Variants in DLGAP1 observed in about 807,000 individuals in gnomAD.
DLGAP1 encodes the protein disks large-associated protein 1.
A neutral mutation model predicts 90.8 loss-of-function variants in DLGAP1; 11 were observed. The ratio of observed to expected loss-of-function variants is 0.12; its 90% CI spans 0.08 to 0.20. DLGAP1 has a LOEUF of 0.20. DLGAP1 is among the 10% of genes least tolerant of loss of function. DLGAP1 has a pLI of 1.00. For synonymous variants in DLGAP1, 558 were observed against 540.7 expected, an observed-to-expected ratio of 1.03 and a Z score of -0.44; for missense variants, 1,050 against 1,333.8, an observed-to-expected ratio of 0.79 and a Z score of 3.31.
chr18:3,670,096 C>CAACAA (rs963457540), intron 7 of DLGAP1, among the ~76,000 whole-genome samples: 30 of 152,072 alleles, frequency 2.0e-4, no homozygotes, highest in Admixed American at 6.6e-4. Context: ...TATTGTTTTA[C>CAACAA]AACAAAACAA....
At chr18:3,647,529 G>C (rs184357725) in intron 7 of DLGAP1, among the ~76,000 whole-genome samples, 9 of 150,176 alleles carry the variant, frequency 6.0e-5, no homozygotes, top group African/African-American at 2.2e-4. Flanking sequence ...GTAATGGCAC[G>C]ATCTTGGCTC....
At chr18:3,934,912 T>A (rs778707416) in intron 3 of DLGAP1, among the ~76,000 whole-genome samples, 2 of 152,254 alleles carry the variant, frequency 1.3e-5, no homozygotes, top group Non-Finnish European at 2.9e-5. Flanking sequence ...GCACAGGTTT[T>A]AGGACAAAGC....
intron 4 of DLGAP1, chr18:3,845,084 T>C (rs1291979333): frequency 5.9e-6 from 6 of 1,011,032 alleles, no homozygotes; most frequent in Non-Finnish European, 7.1e-6. Context: ...CTACTCTTTA[T>C]AAAATTGTTC....
At chr18:3,916,798 A>G (rs1394022302) in intron 3 of DLGAP1, among the ~76,000 whole-genome samples, 2 of 152,140 alleles carry the variant, frequency 1.3e-5, no homozygotes, top group Non-Finnish European at 2.9e-5. Context: ...TCGTTGTAGC[A>G]GGGATGTGCA....
At chr18:4,318,674 T>G (rs1481145315) in intron 1 of DLGAP1, among the ~76,000 whole-genome samples, 1 of 152,226 alleles carries the variant, frequency 6.6e-6, no homozygotes, top group Non-Finnish European at 1.5e-5. Context: ...TCATTTTCTA[T>G]TTGCAACTTC....
chr18:4,054,110 C>T (rs138021526), intron 2 of DLGAP1, among the ~76,000 whole-genome samples: 49 of 152,282 alleles, frequency 3.2e-4, no homozygotes, highest in East Asian at 9.7e-4. Context: ...GACTTTGTCA[C>T]TAGTTTTGTA....
chr18:4,370,606 C>T (rs1000773064), intron 1 of DLGAP1, among the ~76,000 whole-genome samples: 3 of 152,106 alleles, frequency 2.0e-5, no homozygotes, highest in Non-Finnish European at 4.4e-5. Flanking sequence ...AATGAGTGAA[C>T]TTGGATCTTC....
intron 7 of DLGAP1, chr18:3,722,340 T>A (rs1294890996): frequency 6.6e-6 from 1 of 152,232 alleles, no homozygotes; most frequent in African/African-American, 2.4e-5. Flanking sequence ...GACTTTTGCA[T>A]TTTTATGACT....
Position 3,581,957 on chromosome 18 carries a change from G to T in DLGAP1, c.1883C>A (p.Thr628Lys). Residue 628 changes from threonine (T) to lysine (K), a missense_variant, in exon 8 of 13, where the codon ACG becomes AAG. Coordinates refer to ENST00000315677, the MANE Select transcript of DLGAP1 (RefSeq NM_004746.4). ...MGNNTATVTTTTTIATVTTED... is the reference protein window; with the variant it reads ...MGNNTATVTTKTTIATVTTED... The stretch of plus-strand genomic sequence containing the variant: ...CGTGGTGACGGTGGCTATGGTAGTC[G>T]TGGTGGTGACGGTGGCAGTGTTATT... 3 of 1,614,056 alleles carry T rather than the reference G, an allele frequency of 1.9e-6. No homozygotes were observed. The highest frequency in any genetic ancestry group is 2.5e-6 in the Non-Finnish European group (3 of 1,179,996).
chr18:3,754,997 C>G (rs2063660218), intron 5 of DLGAP1, among the ~76,000 whole-genome samples: 1 of 151,900 alleles, frequency 6.6e-6, no homozygotes. Context: ...GAAATGTAGG[C>G]AAATGTAAAG....
intron 7 of DLGAP1, among the ~76,000 whole-genome samples, chr18:3,712,286 G>A (rs1365631807): frequency 2.0e-5 from 3 of 152,174 alleles, no homozygotes; most frequent in Non-Finnish European, 4.4e-5. Context: ...AGTGAGCAGG[G>A]GTGGACTTCG....
chr18:3,886,574 C>T (rs551115176), intron 3 of DLGAP1, among the ~76,000 whole-genome samples: 2 of 152,140 alleles, frequency 1.3e-5, no homozygotes, highest in African/African-American at 4.8e-5. Flanking sequence ...CACTCTCCCA[C>T]CTTAGCAACA....
At chr18:4,365,021 T>C (rs945908349) in intron 1 of DLGAP1, among the ~76,000 whole-genome samples, 2 of 152,182 alleles carry the variant, frequency 1.3e-5, no homozygotes, top group Non-Finnish European at 2.9e-5. Flanking sequence ...GTTCAAGAGA[T>C]TGATTGTTAT....
chr18:4,226,648 T>A (rs1327072989), intron 1 of DLGAP1, among the ~76,000 whole-genome samples: 2 of 146,820 alleles, frequency 1.4e-5, no homozygotes, highest in Non-Finnish European at 3.0e-5. Context: ...AACTAGTGTA[T>A]TATAAGATAT....
At chr18:3,811,238 T>G (rs2066824528) in intron 5 of DLGAP1, among the ~76,000 whole-genome samples, 1 of 152,220 alleles carries the variant, frequency 6.6e-6, no homozygotes. Flanking sequence ...AGTGGAACTA[T>G]GAGAAATGAT....
At chr18:3,615,004 C>T (rs1351171978) in intron 7 of DLGAP1, among the ~76,000 whole-genome samples, 1 of 24 alleles carries the variant, frequency 0.042, no homozygotes, top group Non-Finnish European at 0.083. Flanking sequence ...TCACCGCAAC[C>T]TCCGCCTCCA....
chr18:4,347,068 C>T lies in DLGAP1; in HGVS notation c.-267+107938G>A, dbSNP rs116014312. On this transcript the variant is annotated intron_variant, in intron 1 of 12. Transcript: ENST00000315677. ...ATGAAATAAGTAGCATAAGTAACTACAGACATCTATGTATACAAGTTTGAA... is the reference window on the plus strand; with the variant it reads ...ATGAAATAAGTAGCATAAGTAACTATAGACATCTATGTATACAAGTTTGAA... 2.8e-3 allele frequency among the ~76,000 whole-genome samples: 429 copies of T among 152,072 alleles called. 1 individual carries two copies. The highest frequency in any genetic ancestry group is 9.9e-3 in the African/African-American group (411 of 41,536).
At chr18:3,866,270 A>C (rs554763483) in intron 4 of DLGAP1, among the ~76,000 whole-genome samples, 1 of 152,274 alleles carries the variant, frequency 6.6e-6, no homozygotes, top group East Asian at 1.9e-4. Flanking sequence ...TAACTTTCCA[A>C]GCTCAGAATA....
intron 7 of DLGAP1, among the ~76,000 whole-genome samples, chr18:3,663,326 C>A (rs1205763646): frequency 6.6e-6 from 1 of 151,836 alleles, no homozygotes; most frequent in Admixed American, 6.6e-5. Flanking sequence ...TTTTTGAAGT[C>A]TTTAGAAGGG....
Sources: gnomAD v4.1 joint callset for allele counts (sites outside exome capture counted in the v4.1 genomes callset) on GRCh38, gnomAD v4.1.1 for gene constraint, MANE v1.5 for transcripts, NCBI Gene and HGNC (gene_info 2026-07-23, HGNC 2026-07-21) for gene names.